HR: variants seen among roughly 807,000 people sequenced by gnomAD.
HR encodes HR lysine demethylase and nuclear receptor corepressor, also known as lysine-specific demethylase hairless.
In HR, 83 loss-of-function variants were observed where a neutral mutation model predicts 128.6. That is an observed-to-expected ratio of 0.65 (90% CI 0.54 to 0.77). The LOEUF is 0.77. HR is among the 30% of genes least tolerant of loss of function. The probability of loss-of-function intolerance (pLI) is 0.00; values close to 1 mark genes in which losing one functional copy is unlikely to be tolerated. For missense variants in HR, 1,490 were observed against 1,574.6 expected, an observed-to-expected ratio of 0.95 and a Z score of 0.91; for synonymous variants, 681 against 658.2, an observed-to-expected ratio of 1.03 and a Z score of -0.53.
rs759792779 is a variant in HR at position 22,122,773 on chromosome 8, C to G, written c.2005+17G>C. 6.5e-7 allele frequency: 1 copy of G among 1,549,834 alleles called. No individual in the cohort carries two copies. Among genetic ancestry groups the G allele is most frequent in the South Asian group, 1.2e-5 (1 of 84,040 alleles). On this transcript the variant is annotated intron_variant, in intron 7 of 18. Transcript: ENST00000381418. ...GGACCCAACCTCTGCACGCCCCACC[C>G]CTCCAAGATGGCTCACCCTGGCTGG...
rs2131754047 is a variant in HR at position 22,120,045 on chromosome 8, G to A, written c.2846+59C>T. On this transcript the variant is annotated intron_variant, in intron 13 of 18. Transcript: ENST00000381418. ...GGGGGCAGAGGAGGAGGGGAGGGCT[G>A]AACCAGGCGGGGCCTGCGGTGGCGG... 3 of 1,565,416 alleles carry A rather than the reference G, an allele frequency of 1.9e-6. No individual in the cohort carries two copies. The East Asian group carries it at 7.0e-5, about 36-fold the overall frequency.
chr8:22,125,579 C>T lies in HR; in HGVS notation c.1556+3G>A. 6.2e-7 allele frequency: 1 copy of T among 1,612,788 alleles called. No homozygotes were observed. Among genetic ancestry groups the T allele is most frequent in the South Asian group, 1.1e-5 (1 of 90,774 alleles). ...CTGGAGGTGTCCAGGGGCAATGGCT[C>T]ACCTCCGCACTTGCTGAGAGTGGCA... is the stretch of plus-strand genomic sequence containing the variant. On this transcript the variant is annotated splice_donor_region_variant and intron_variant, in intron 4 of 18. Transcript: ENST00000381418.
rs1184614596 is a variant in HR, at chr8:22,123,647, A to G, written c.1915+2T>C. 2.6e-6 allele frequency: 1 copy of G among 379,994 alleles called. No individual in the cohort carries two copies. The highest frequency in any genetic ancestry group is 3.2e-4 in the East Asian group (1 of 3,158). The allele number at this position is 379,994 out of a possible 1,614,324, so 23.5% of individuals were successfully genotyped here. On this transcript the variant is annotated splice_donor_variant, in intron 6 of 18. Coordinates refer to ENST00000381418, the MANE Select transcript of HR (RefSeq NM_005144.5). LOFTEE classifies it high-confidence loss of function. ...CCCTCCCACCCCCAGCCCCTCTCCT[A>G]CCTGCTTTCTCCCTGGCCCGCCCAG...
chr8:22,119,413 A>C, intron 14 of HR, 130 bp from the exon 15 acceptor site: 1 of 1,322,914 alleles, frequency 7.6e-7, no homozygotes, highest in South Asian at 1.2e-5. Flanking sequence ...GTTTGAGACC[A>C]GCCTCAACAT....
Position 22,115,674 on chromosome 8 carries a change from C to A in HR, c.*26G>T. 2 of 1,611,348 alleles carry A rather than the reference C, an allele frequency of 1.2e-6. No individual in the cohort carries two copies. Among genetic ancestry groups the A allele is most frequent in the South Asian group, 1.1e-5 (1 of 91,014 alleles). On this transcript the variant is annotated 3_prime_UTR_variant, in exon 19 of 19. Coordinates refer to ENST00000381418, the MANE Select transcript of HR (RefSeq NM_005144.5). ...GAGCACCTGGTCTACCTGTCCCCACCCCGATCCCAGACACCTAGCATCCCT... is the reference window on the plus strand; with the variant it reads ...GAGCACCTGGTCTACCTGTCCCCACACCGATCCCAGACACCTAGCATCCCT...
At chr8:22,119,960 C>A in intron 13 of HR, 70 bp from the exon 14 acceptor site, 1 of 1,608,932 alleles carries the variant, frequency 6.2e-7, no homozygotes, top group Non-Finnish European at 8.5e-7. Context: ...AGCCCCACCA[C>A]CACCGGGGTA....
At chr8:22,123,617 T>TTGGGGGCCCCCCCCCC in intron 6 of HR, 32 bp downstream of exon 6, 1 of 292,092 alleles carries the variant, frequency 3.4e-6, no homozygotes. Flanking sequence ...GAGGGCTCCA[T>TTGGGGGCCCCCCCCCC]CCCGCCCTCC....
rs778812942 is a variant in HR at position 22,128,710 on chromosome 8, C to T, written c.461G>A (p.Arg154Gln). The T allele has an allele frequency of 6.9e-6, 11 of 1,583,346 alleles. No homozygotes were observed. The East Asian group carries it at 1.1e-4, about 16-fold the overall frequency. The part of the protein sequence containing the change: ...PFLLETKILE[R>Q]APFWVPTCLP... ...GCAGGTGGGCACCCAGAAGGGAGCT[C>T]GCTCCAGGATCTTGGTCTCCAGAAG... The change falls in exon 2 of 19, where the codon CGA becomes CAA. Residue 154 changes from arginine to glutamine, a missense_variant. Transcript: ENST00000381418.
chr8:22,118,746 G>T (rs1826654273), intron 16 of HR: 3 of 599,524 alleles, frequency 5.0e-6, no homozygotes, highest in Admixed American at 2.9e-5. Context: ...TCCTGCCGCA[G>T]CCCCTGCCCC....
In HR at chr8:22,125,350, G is replaced by A. The variant is rs199660931; in HGVS notation, c.1711C>T (p.Arg571Trp). Residue 571 changes from arginine to tryptophan, a missense_variant, in exon 5 of 19, where the codon CGG becomes TGG. This residue lies in a region of HR where 1,060 missense variants were observed against 1,060.9 expected (regional missense o/e 1.00). Coordinates refer to ENST00000381418, the MANE Select transcript of HR (RefSeq NM_005144.5). ...GLGDRLCRLLRREREALAWAQ... is the reference protein window; with the variant it reads ...GLGDRLCRLLWREREALAWAQ... ...CAAGCCAGGGCCTCCCGCTCCCTCC[G>A]CAGCAGGCGGCACAGTCGGTCCCCC... is the stretch of plus-strand genomic sequence containing the variant. 1.4e-4 allele frequency: 220 copies of A among 1,601,016 alleles called. 1 individual carries two copies. The South Asian group carries it at 1.9e-3, about 14-fold the overall frequency.
At chr8:22,118,810 T>C (rs1355490406) in intron 16 of HR, 140 bp downstream of exon 16, 2 of 699,144 alleles carry the variant, frequency 2.9e-6, no homozygotes, top group Non-Finnish European at 4.9e-6. Flanking sequence ...TCTGCACCTG[T>C]CTGTGCGAGT....
rs139753274 is a variant in HR, at chr8:22,125,359, G to C, written c.1702C>G (p.Arg568Gly). Reference sequence around the variant, plus strand: ...GCCTCCCGCTCCCTCCGCAGCAGGCGGCACAGTCGGTCCCCCAAACCACTG... The same window carrying C: ...GCCTCCCGCTCCCTCCGCAGCAGGCCGCACAGTCGGTCCCCCAAACCACTG... Reference protein sequence around the residue: ...LLSGLGDRLCRLLRREREALA... With the variant: ...LLSGLGDRLCGLLRREREALA... Residue 568 changes from arginine (R) to glycine (G), a missense_variant, in exon 5 of 19, where the codon CGC (arginine) becomes GGC (glycine). Arg to Gly is a moderately radical substitution (Grantham distance 125, BLOSUM62 -2). Coordinates refer to ENST00000381418, the MANE Select transcript of HR (RefSeq NM_005144.5). 6.2e-7 allele frequency: 1 copy of C among 1,604,890 alleles called. No individual in the cohort carries two copies. The highest frequency in any genetic ancestry group is 8.5e-7 in the Non-Finnish European group (1 of 1,176,650).
Position 22,122,474 on chromosome 8 carries a change from G to C in HR, c.2121+19C>G, listed in dbSNP as rs1307708300. 7 of 1,569,990 alleles carry C rather than the reference G, an allele frequency of 4.5e-6. No homozygotes were observed. Among genetic ancestry groups the C allele is most frequent in the Non-Finnish European group, 6.1e-6 (7 of 1,149,786 alleles). On this transcript the variant is annotated intron_variant, in intron 8 of 18. Transcript: ENST00000381418. ...TTTGCAGGCACGATACCCAACCGGT[G>C]ACATGCCCTGGGTCTTACCTGCTGG...
intron 3 of HR, among the ~76,000 whole-genome samples, chr8:22,126,303 C>T (rs974103856): frequency 2.0e-5 from 3 of 152,230 alleles, no homozygotes; most frequent in African/African-American, 7.2e-5. Flanking sequence ...TGATCCACAC[C>T]CAGCCGTCCA....
intron 1 of HR, among the ~76,000 whole-genome samples, chr8:22,129,696 G>T (rs2131770672): frequency 6.6e-6 from 1 of 152,332 alleles, no homozygotes; most frequent in African/African-American, 2.4e-5. Flanking sequence ...TGGGGGTGCT[G>T]CTAGCCCAAC....
rs1826654643 is a variant in HR, at chr8:22,118,756, C to T, written c.3213+194G>A. ...GGCTCTCCTGCCGCAGCCCCTGCCCCTTCTCTGAGCCCCACGGCAGAACTC... is the reference window on the plus strand; with the variant it reads ...GGCTCTCCTGCCGCAGCCCCTGCCCTTTCTCTGAGCCCCACGGCAGAACTC... On this transcript the variant is annotated intron_variant, in intron 16 of 18. Transcript: ENST00000381418. 28 of 605,720 alleles carry T rather than the reference C, an allele frequency of 4.6e-5. No homozygotes were observed. In the South Asian group the frequency reaches 5.5e-4, roughly 12 times the overall value. The allele number at this position is 605,720 out of a possible 1,614,324, so 37.5% of individuals were successfully genotyped here. A position where few individuals can be genotyped will look rare whatever the true frequency, so the allele number is the denominator to read the frequency against.
intron 16 of HR, chr8:22,118,659 T>C: frequency 2.1e-6 from 1 of 472,656 alleles, no homozygotes; most frequent in African/African-American, 2.0e-5. Context: ...GGGTAACAGA[T>C]AATTGTGCCT....
chr8:22,120,996 C>T, intron 10 of HR, 38 bp from the exon 11 acceptor site: 1 of 1,611,360 alleles, frequency 6.2e-7, no homozygotes, highest in Non-Finnish European at 8.5e-7. Flanking sequence ...ACCCACTGGG[C>T]CCCACAGGGA....
chr8:22,115,900 G>A lies in HR; in HGVS notation c.3508-138C>T, dbSNP rs1208924986. On this transcript the variant is annotated intron_variant, in intron 18 of 18. Transcript: ENST00000381418. ...AATCCCAGCACTTTGGGAGGCCAAG[G>A]TAGGTGGATCATTTGAGGTCAGGAG... 3 of 833,600 alleles carry A rather than the reference G, an allele frequency of 3.6e-6. No homozygotes were observed. The Admixed American group carries it at 6.0e-5, about 17-fold the overall frequency. The allele number at this position is 833,600 out of a possible 1,614,324, so 51.6% of individuals were successfully genotyped here. A position where few individuals can be genotyped will look rare whatever the true frequency, so the allele number is the denominator to read the frequency against.
Sources: allele counts gnomAD v4.1 joint callset (sites outside exome capture counted in the v4.1 genomes callset), GRCh38; gene constraint gnomAD v4.1.1; regional missense constraint gnomAD v4.1.1; transcripts MANE v1.5; gene names NCBI Gene and HGNC (gene_info 2026-07-23, HGNC 2026-07-21).